Variants in CCDC57 observed in about 807,000 individuals in gnomAD.
The protein encoded by CCDC57 is coiled-coil domain-containing protein 57.
In CCDC57, 118 loss-of-function variants were observed where a neutral mutation model predicts 118.9. The observed-to-expected ratio is 0.99, with a 90% CI of 0.86 to 1.16. The LOEUF (loss-of-function observed/expected upper bound fraction) is 1.16. CCDC57 is among the 50% of genes most tolerant of loss of function. CCDC57 has a pLI of 0.00. For missense variants in CCDC57, 1,300 were observed against 1,320.7 expected (o/e 0.98, Z 0.24); for synonymous variants, 527 against 532.9 (o/e 0.99, Z 0.15).
At chr17:82,191,914 T>C (rs1189017202) in intron 7 of CCDC57, among the ~76,000 whole-genome samples, 1 of 152,000 alleles carries the variant, frequency 6.6e-6, no homozygotes, top group African/African-American at 2.4e-5. Context: ...GCAATCCACC[T>C]GCCTCGGCCT....
At chr17:82,126,203 C>A (rs1480627699) in intron 19 of CCDC57, 2 of 217,090 alleles carry the variant, frequency 9.2e-6, no homozygotes, top group Non-Finnish European at 1.6e-5. Context: ...TCATTTGAAC[C>A]CGGGAGGAGG....
At chr17:82,107,520 G>T (rs773519287) in intron 19 of CCDC57, 1 of 470,928 alleles carries the variant, frequency 2.1e-6, no homozygotes, top group South Asian at 1.5e-5. Context: ...CAGAAAGGAG[G>T]AAGAGGCCCC....
chr17:82,136,678 GC>G (rs2039233572), intron 16 of CCDC57, among the ~76,000 whole-genome samples: 1 of 150,472 alleles, frequency 6.6e-6, no homozygotes, highest in South Asian at 2.1e-4. Context: ...GCTCACTGCA[GC>G]CTCCACCTCC....
chr17:82,136,474 AAC>A (rs1598806515), intron 16 of CCDC57, among the ~76,000 whole-genome samples: 3 of 152,214 alleles, frequency 2.0e-5, no homozygotes, highest in East Asian at 3.9e-4. Context: ...GGAATTCTGG[AAC>A]AAATGATGAT....
At chr17:82,109,653 A>C (rs769055090) in intron 19 of CCDC57, among the ~76,000 whole-genome samples, 3 of 151,932 alleles carry the variant, frequency 2.0e-5, no homozygotes, top group Non-Finnish European at 2.9e-5. Flanking sequence ...GTCAGGAGAT[A>C]GAGACCATCC....
intron 2 of CCDC57, among the ~76,000 whole-genome samples, chr17:82,206,869 G>A (rs1291990085): frequency 1.3e-5 from 2 of 152,108 alleles, no homozygotes; most frequent in Non-Finnish European, 2.9e-5. Flanking sequence ...CAATTCCATC[G>A]TGCTTCTAAC....
intron 16 of CCDC57, among the ~76,000 whole-genome samples, chr17:82,137,060 CTGGA>C (rs68159078): frequency 0.46 from 67,097 of 144,696 alleles, 16,265 homozygotes; most frequent in East Asian, 0.88. Context: ...GTCATCCAGG[CTGGA>C]TGGAGTGCAG....
At chr17:82,113,820 C>T (rs2035492870) in intron 19 of CCDC57, 1 of 611,542 alleles carries the variant, frequency 1.6e-6, no homozygotes, top group South Asian at 1.9e-5. Flanking sequence ...GTGATGTGCA[C>T]CTGTAGTCTC....
At chr17:82,102,193 G>A (rs1204733203) in intron 19 of CCDC57, among the ~76,000 whole-genome samples, 7 of 152,074 alleles carry the variant, frequency 4.6e-5, no homozygotes, top group African/African-American at 1.7e-4. Flanking sequence ...GGTGCTGTGT[G>A]GTAATGGGTC....
At chr17:82,157,944 A>G (rs756648717) in exon 15 of CCDC57, 3 of 1,553,498 alleles carry the variant, frequency 1.9e-6, no homozygotes, top group African/African-American at 1.4e-5. Context: ...GGGTTCCCGC[A>G]GCACCTAGGG....
At chr17:82,201,552 C>T in exon 3 of CCDC57, 1 of 1,607,306 alleles carries the variant, frequency 6.2e-7, no homozygotes, top group Non-Finnish European at 8.5e-7. Context: ...GGACGCGCTC[C>T]AGCTCCAGGC....
chr17:82,190,969 T>C (rs558412860), intron 7 of CCDC57, among the ~76,000 whole-genome samples: 11 of 151,804 alleles, frequency 7.2e-5, no homozygotes, highest in African/African-American at 2.7e-4. Context: ...ATTGTTGCTA[T>C]AGAAAAAGCC....
chr17:82,151,802 C>G, intron 15 of CCDC57, 29 bp from the exon 15 acceptor site: 1 of 1,538,530 alleles, frequency 6.5e-7, no homozygotes, highest in Non-Finnish European at 8.8e-7. Flanking sequence ...GCAGACACCC[C>G]TGTGAGGCTG....
At chr17:82,160,499 A>C (rs1238638272) in intron 14 of CCDC57, 3 of 152,782 alleles carry the variant, frequency 2.0e-5, no homozygotes, top group African/African-American at 4.9e-5. Context: ...GGCCAGGTGC[A>C]GTGGCTCATA....
intron 13 of CCDC57, among the ~76,000 whole-genome samples, chr17:82,167,917 G>A (rs951866874): frequency 1.1e-4 from 17 of 152,300 alleles, no homozygotes; most frequent in African/African-American, 4.1e-4. Context: ...CGCCCGGCCT[G>A]TCAACGTAAT....
At chr17:82,149,678 C>A (rs550376101) in intron 16 of CCDC57, among the ~76,000 whole-genome samples, 1 of 152,160 alleles carries the variant, frequency 6.6e-6, no homozygotes, top group African/African-American at 2.4e-5. Context: ...TCCTTCGGGC[C>A]TTCCTGAGAA....
intron 16 of CCDC57, among the ~76,000 whole-genome samples, chr17:82,144,680 T>A (rs746632770): frequency 7.2e-5 from 11 of 152,252 alleles, no homozygotes; most frequent in Non-Finnish European, 1.5e-4. Flanking sequence ...CAACTCAATA[T>A]ATTGTTATAA....
intron 2 of CCDC57, among the ~76,000 whole-genome samples, chr17:82,205,891 C>T (rs1308518528): frequency 6.6e-6 from 1 of 152,258 alleles, no homozygotes; most frequent in Non-Finnish European, 1.5e-5. Flanking sequence ...GCTCGCCTTT[C>T]CTTCTGACCT....
chr17:82,180,663 G>C (rs908396672), intron 9 of CCDC57, among the ~76,000 whole-genome samples: 2 of 152,136 alleles, frequency 1.3e-5, no homozygotes, highest in Non-Finnish European at 2.9e-5. Context: ...TTTTAGTAGA[G>C]ACGGGGTTTC....
Sources: gnomAD v4.1 joint callset for allele counts (sites outside exome capture counted in the v4.1 genomes callset) on GRCh38, gnomAD v4.1.1 for gene constraint, MANE v1.5 for transcripts, NCBI Gene and HGNC (gene_info 2026-07-23, HGNC 2026-07-21) for gene names.